The following IL23R variants were observed in gnomAD, a reference collection of about 807,000 sequenced individuals.
IL23R encodes interleukin-23 receptor.
In IL23R, 34 loss-of-function variants were observed where a neutral mutation model predicts 56.9. The observed-to-expected ratio is 0.60, with a 90% CI of 0.45 to 0.80. The LOEUF (loss-of-function observed/expected upper bound fraction) is 0.80. Among genes scored for constraint, IL23R ranks in the 30% least tolerant of loss-of-function variants. The pLI is 0.00. For synonymous variants in IL23R, 230 were observed against 249.2 expected, an observed-to-expected ratio of 0.92 and a Z score of 0.73; for missense variants, 635 against 730.0, an observed-to-expected ratio of 0.87 and a Z score of 1.50.
intron 1 of IL23R, among the ~76,000 whole-genome samples, chr1:67,140,136 A>G (rs1414232141): frequency 2.0e-5 from 3 of 152,164 alleles, no homozygotes; most frequent in Non-Finnish European, 4.4e-5. Context: ...TTCTTTATAA[A>G]TTCCCCATTT....
rs761564249 is a variant in IL23R, at chr1:67,255,940, C to T, written c.1239+13C>T. 5.3e-6 allele frequency: 8 copies of T among 1,510,418 alleles called. No individual in the cohort carries two copies. Among genetic ancestry groups the T allele is most frequent in the Non-Finnish European group, 7.4e-6 (8 of 1,086,178 alleles). 93.6% of individuals were successfully genotyped at this position (1,510,418 alleles called of 1,614,324 possible). On this transcript the variant is annotated intron_variant, in intron 10 of 10. Transcript: ENST00000347310. ...GAAAATGCTACAGGTAACCTAACATCATCCAACAAAAACTGAGTGGCAATT... is the reference window on the plus strand; with the variant it reads ...GAAAATGCTACAGGTAACCTAACATTATCCAACAAAAACTGAGTGGCAATT...
At chr1:67,219,442 T>A in intron 6 of IL23R, 132 bp from the exon 7 acceptor site, 2 of 799,256 alleles carry the variant, frequency 2.5e-6, no homozygotes, top group Admixed American at 2.2e-5. Context: ...ACGTTTTATA[T>A]AAAGAACACT....
chr1:67,166,675 A>G (rs1198383455), intron 1 of IL23R, 134 bp downstream of exon 1: 2 of 152,370 alleles, frequency 1.3e-5, no homozygotes, highest in African/African-American at 4.8e-5. Context: ...GGGAATCTAT[A>G]ATATTATATG....
At chr1:67,184,325 C>A (rs1647215842) in intron 4 of IL23R, among the ~76,000 whole-genome samples, 1 of 152,042 alleles carries the variant, frequency 6.6e-6, no homozygotes, top group Admixed American at 6.6e-5. Context: ...GTGGGTGCAT[C>A]ACCTGAGATC....
intron 4 of IL23R, among the ~76,000 whole-genome samples, chr1:67,195,340 G>A (rs1450487417): frequency 5.3e-5 from 8 of 152,182 alleles, no homozygotes; most frequent in African/African-American, 1.7e-4. Context: ...GCCTCAGCCA[G>A]TATCTCTTAA....
At chr1:67,175,732 TG>T (rs1054074956) in intron 3 of IL23R, among the ~76,000 whole-genome samples, 1 of 152,074 alleles carries the variant, frequency 6.6e-6, no homozygotes, top group Non-Finnish European at 1.5e-5. Flanking sequence ...AAATGAGTAG[TG>T]GAAAATGTGC....
At chr1:67,220,112 T>C (rs2100231620) in intron 7 of IL23R, among the ~76,000 whole-genome samples, 1 of 152,264 alleles carries the variant, frequency 6.6e-6, no homozygotes, top group Middle Eastern at 3.4e-3. Context: ...CTTATGTCTG[T>C]AATCCCAGCA....
At chr1:67,223,954 T>A (rs1174056669) in intron 7 of IL23R, among the ~76,000 whole-genome samples, 1 of 152,226 alleles carries the variant, frequency 6.6e-6, no homozygotes, top group African/African-American at 2.4e-5. Context: ...GATGCTGATG[T>A]ATGTTGTCGA....
intron 9 of IL23R, among the ~76,000 whole-genome samples, chr1:67,255,578 A>G (rs895999049): frequency 6.6e-6 from 1 of 151,964 alleles, no homozygotes; most frequent in Admixed American, 6.6e-5. Context: ...AGCTGGGACC[A>G]CAGGCATGCA....
At chr1:67,187,067 C>T (rs1481958708) in intron 4 of IL23R, among the ~76,000 whole-genome samples, 1 of 152,074 alleles carries the variant, frequency 6.6e-6, no homozygotes, top group Non-Finnish European at 1.5e-5. Context: ...TTTGTGTAGA[C>T]ATATTTTTAT....
upstream of IL23R, among the ~76,000 whole-genome samples, chr1:67,162,143 TAA>T (rs905318988): frequency 6.9e-6 from 1 of 144,160 alleles, no homozygotes. Flanking sequence ...ATCCAATGTT[TAA>T]AAAAAAAAAA....
intron 9 of IL23R, among the ~76,000 whole-genome samples, chr1:67,244,571 C>A (rs1652085665): frequency 6.6e-6 from 1 of 151,954 alleles, no homozygotes; most frequent in South Asian, 2.1e-4. Flanking sequence ...AATAGGGAAT[C>A]CTTTCCCTAT....
chr1:67,168,055 T>G (rs1466159095), intron 1 of IL23R, 37 bp from the exon 2 acceptor site: 1 of 1,122,230 alleles, frequency 8.9e-7, no homozygotes, highest in Non-Finnish European at 1.4e-6. Flanking sequence ...TTTACTAAAA[T>G]ACTACAATTT....
At chr1:67,224,108 C>T (rs1398277444) in intron 7 of IL23R, among the ~76,000 whole-genome samples, 3 of 152,098 alleles carry the variant, frequency 2.0e-5, no homozygotes, top group Non-Finnish European at 4.4e-5. Flanking sequence ...GCAAAGGAGA[C>T]AAAATTCCCT....
chr1:67,142,779 G>T (rs1297464563), intron 1 of IL23R, among the ~76,000 whole-genome samples: 1 of 152,114 alleles, frequency 6.6e-6, no homozygotes, highest in East Asian at 1.9e-4. Context: ...TGTTGGCCAG[G>T]CTGGTCTCGA....
intron 6 of IL23R, among the ~76,000 whole-genome samples, chr1:67,209,449 C>T (rs1165733193): frequency 6.6e-6 from 1 of 152,124 alleles, no homozygotes. Flanking sequence ...ATCCTGGGAG[C>T]CCGTCTTTCC....
intron 4 of IL23R, among the ~76,000 whole-genome samples, chr1:67,187,088 C>A (rs1647394776): frequency 6.6e-6 from 1 of 152,026 alleles, no homozygotes; most frequent in Non-Finnish European, 1.5e-5. Context: ...TTCTCTTGGG[C>A]ATATATTTAG....
At chr1:67,249,485 G>T (rs1652475999) in intron 9 of IL23R, among the ~76,000 whole-genome samples, 1 of 151,958 alleles carries the variant, frequency 6.6e-6, no homozygotes, top group Admixed American at 6.6e-5. Flanking sequence ...AGGAAATGTG[G>T]TTATCTCTGT....
intron 7 of IL23R, among the ~76,000 whole-genome samples, chr1:67,225,748 G>T (rs1384440488): frequency 6.6e-6 from 1 of 151,680 alleles, no homozygotes; most frequent in African/African-American, 2.4e-5. Context: ...GACCTCAAAT[G>T]ATCCCCCTGC....
Sources: gnomAD v4.1 joint callset for allele counts (sites outside exome capture counted in the v4.1 genomes callset) on GRCh38, gnomAD v4.1.1 for gene constraint, MANE v1.5 for transcripts, NCBI Gene and HGNC (gene_info 2026-07-23, HGNC 2026-07-21) for gene names.